ST18: variants seen among roughly 807,000 people sequenced by gnomAD.
The protein encoded by ST18 is suppression of tumorigenicity 18 protein.
In ST18, 50 loss-of-function variants were observed where a neutral mutation model predicts 110.0. The observed-to-expected ratio is 0.45, with a 90% CI of 0.36 to 0.58. The LOEUF (loss-of-function observed/expected upper bound fraction) is 0.58, where lower values mean the gene tolerates loss of function less well. Among genes scored for constraint, ST18 ranks in the 20% least tolerant of loss-of-function variants. ST18 has a pLI of 0.00. For synonymous variants in ST18, 461 were observed against 452.4 expected (o/e 1.02, Z -0.24); for missense variants, 1,306 against 1,280.1 (o/e 1.02, Z -0.31).
intron 2 of ST18, among the ~76,000 whole-genome samples, chr8:52,291,304 CCTA>C (rs1163966608): frequency 6.6e-6 from 1 of 152,206 alleles, no homozygotes; most frequent in African/African-American, 2.4e-5. Flanking sequence ...CCACACGATG[CCTA>C]CAGTGGCTGG....
intron 5 of ST18, among the ~76,000 whole-genome samples, chr8:52,218,976 T>TA (rs985091807): frequency 2.0e-4 from 31 of 151,992 alleles, no homozygotes; most frequent in Admixed American, 6.6e-4. Context: ...TCACGTTTTT[T>TA]AAAAAAAATG....
At chr8:52,369,957 G>A (rs1829643948) in intron 2 of ST18, among the ~76,000 whole-genome samples, 1 of 152,206 alleles carries the variant, frequency 6.6e-6, no homozygotes, top group African/African-American at 2.4e-5. Context: ...GCATGTGGCA[G>A]TATTTGCCAA....
intron 2 of ST18, among the ~76,000 whole-genome samples, chr8:52,364,277 A>T (rs1826941464): frequency 6.6e-6 from 1 of 152,040 alleles, no homozygotes; most frequent in African/African-American, 2.4e-5. Context: ...GGCCCATATT[A>T]AAAAAATACA....
intron 2 of ST18, among the ~76,000 whole-genome samples, chr8:52,282,258 C>T (rs2095393874): frequency 6.6e-6 from 1 of 152,074 alleles, no homozygotes. Context: ...GATAATCTTA[C>T]CTGTGAACAT....
At chr8:52,315,706 A>G (rs1332355963) in intron 2 of ST18, among the ~76,000 whole-genome samples, 5 of 152,240 alleles carry the variant, frequency 3.3e-5, no homozygotes, top group African/African-American at 1.2e-4. Context: ...GTGCTGGTGA[A>G]TGTTTGTTAA....
rs916057331 is a variant in ST18 at position 52,409,693 on chromosome 8, C to T, written c.-735G>A. 1.3e-5 allele frequency: 2 copies of T among 152,244 alleles called. No homozygotes were observed. The highest frequency in any genetic ancestry group is 2.1e-4 in the South Asian group (1 of 4,836). The allele number at this position is 152,244 out of a possible 1,614,324, so 9.4% of individuals were successfully genotyped here. A position where few individuals can be genotyped will look rare whatever the true frequency, so the allele number is the denominator to read the frequency against. On this transcript the variant is annotated 5_prime_UTR_variant, in exon 1 of 26. Transcript: ENST00000689386. ...TTTTCTCTCCTTACCTCTAGTATTC[C>T]CCTGAGGTCACATTCAGTTAAAAAC...
intron 2 of ST18, among the ~76,000 whole-genome samples, chr8:52,336,047 C>A (rs1008128499): frequency 1.6e-4 from 24 of 152,190 alleles, no homozygotes; most frequent in Non-Finnish European, 3.5e-4. Flanking sequence ...CCTTCAAGCC[C>A]TCTTCACCTA....
In ST18 at chr8:52,161,505, G is replaced by A. The variant is rs1332930737; in HGVS notation, c.1464C>T (p.Ala488=). The A allele has an allele frequency of 6.2e-7, 1 of 1,614,084 alleles. No individual in the cohort carries two copies. Among genetic ancestry groups the A allele is most frequent in the Non-Finnish European group, 8.5e-7 (1 of 1,180,036 alleles). The change falls in exon 14 of 26, where the codon GCC becomes GCT. Residue 488 remains alanine, a synonymous_variant. Transcript: ENST00000689386. The part of the protein sequence containing the change: ...FPSQAITSPR[A]TVSKEQEKFG... Reference sequence around the variant, plus strand: ...ACTTCTCTTGTTCTTTTGACACTGTGGCTCTGGGAGAGGTGATGGCTTGTG... The same window carrying A: ...ACTTCTCTTGTTCTTTTGACACTGTAGCTCTGGGAGAGGTGATGGCTTGTG...
intron 22 of ST18, among the ~76,000 whole-genome samples, chr8:52,130,250 A>G (rs1482048923): frequency 6.6e-6 from 1 of 152,234 alleles, no homozygotes; most frequent in Non-Finnish European, 1.5e-5. Context: ...TATGAAATAC[A>G]TAATATGTAA....
At chr8:52,244,705 A>G (rs1424918916) in intron 2 of ST18, among the ~76,000 whole-genome samples, 1 of 152,210 alleles carries the variant, frequency 6.6e-6, no homozygotes, top group African/African-American at 2.4e-5. Flanking sequence ...AAAGTGAAAT[A>G]GAGTCCCAAG....
At chr8:52,193,596 C>T (rs1401204577) in intron 8 of ST18, among the ~76,000 whole-genome samples, 5 of 145,792 alleles carry the variant, frequency 3.4e-5, no homozygotes, top group East Asian at 2.0e-4. Flanking sequence ...GGCTGTGCTG[C>T]GTGATACACA....
At chr8:52,201,626 A>G (rs990524315) in intron 8 of ST18, among the ~76,000 whole-genome samples, 3 of 152,130 alleles carry the variant, frequency 2.0e-5, no homozygotes, top group Non-Finnish European at 2.9e-5. Flanking sequence ...AAAAAACAAA[A>G]AAACTGCTGT....
In ST18 at chr8:52,126,030, ACAGCC is replaced by A. The variant is rs758794001; in HGVS notation, c.2755+17_2755+21del. 22 of 1,610,260 alleles carry A rather than the reference ACAGCC, an allele frequency of 1.4e-5. No individual in the cohort carries two copies. On this transcript the variant is annotated intron_variant, in intron 23 of 25. Coordinates refer to ENST00000689386, the MANE Select transcript of ST18 (RefSeq NM_001352837.2). ...GGTCTACACCCTGCAGGAGGTGGTG[ACAGCC>A]AGCCCTGTGCTCTTACCCCCAGTTG...
intron 2 of ST18, among the ~76,000 whole-genome samples, chr8:52,336,978 C>G (rs1300501066): frequency 6.6e-6 from 1 of 152,196 alleles, no homozygotes; most frequent in Non-Finnish European, 1.5e-5. Flanking sequence ...GGAAAACCAT[C>G]TACCTTCATT....
intron 2 of ST18, among the ~76,000 whole-genome samples, chr8:52,359,559 C>A (rs1824760635): frequency 6.6e-6 from 1 of 152,092 alleles, no homozygotes; most frequent in Admixed American, 6.6e-5. Context: ...AAATCACGAA[C>A]TCATCAGAAC....
In ST18 at chr8:52,112,951, G is replaced by T; in HGVS notation, c.*247C>A. On this transcript the variant is annotated 3_prime_UTR_variant, in exon 26 of 26. Transcript: ENST00000689386. ...ACAAAAAAAAAAAGAGTACAATGAA[G>T]AAATAAAAGAAAAACATATGAAAAT... The T allele has an allele frequency of 1.6e-5, 5 of 313,734 alleles. No homozygotes were observed. The highest frequency in any genetic ancestry group is 1.4e-4 in the South Asian group (1 of 7,268). The allele number at this position is 313,734 out of a possible 1,614,324, so 19.4% of individuals were successfully genotyped here.
chr8:52,311,628 T>C (rs545192422), intron 2 of ST18, among the ~76,000 whole-genome samples: 1 of 152,264 alleles, frequency 6.6e-6, no homozygotes, highest in South Asian at 2.1e-4. Context: ...AAACTTACAA[T>C]CATGGCAGAA....
At chr8:52,123,832 T>C (rs2045960858) in intron 23 of ST18, among the ~76,000 whole-genome samples, 2 of 152,244 alleles carry the variant, frequency 1.3e-5, no homozygotes, top group South Asian at 2.1e-4. Context: ...CATAATTTGA[T>C]GTAATGCCAG....
At chr8:52,186,172 C>T (rs2072115517) in intron 8 of ST18, among the ~76,000 whole-genome samples, 2 of 152,018 alleles carry the variant, frequency 1.3e-5, no homozygotes, top group South Asian at 4.2e-4. Context: ...ATTTGCAGTA[C>T]CTACATCAAA....
Sources: gnomAD v4.1 joint callset for allele counts (sites outside exome capture counted in the v4.1 genomes callset) on GRCh38, gnomAD v4.1.1 for gene constraint, MANE v1.5 for transcripts, NCBI Gene and HGNC (gene_info 2026-07-23, HGNC 2026-07-21) for gene names.